STARD13: variants seen among roughly 807,000 people sequenced by gnomAD.
The protein encoded by STARD13 is StAR related lipid transfer domain containing 13.
Under a neutral mutation model 106.4 loss-of-function variants are expected in STARD13, and 62 were observed. That is an observed-to-expected ratio of 0.58 (90% CI 0.48 to 0.72). STARD13 has a LOEUF of 0.72. Among genes scored for constraint, STARD13 ranks in the 30% least tolerant of loss-of-function variants. The probability of loss-of-function intolerance (pLI) is 0.00; values close to 1 mark genes in which losing one functional copy is unlikely to be tolerated. For missense variants in STARD13, 1,387 were observed against 1,424.0 expected (o/e 0.97, Z 0.42); for synonymous variants, 565 against 553.0 (o/e 1.02, Z -0.31).
At chr13:33,444,629 G>A in the STARD13 span, among the ~76,000 whole-genome samples, 2 of 152,176 alleles carry the variant, frequency 1.3e-5, no homozygotes, top group African/African-American at 4.8e-5. Flanking sequence ...ATTAGCCAGT[G>A]TGATAGCTTA....
the STARD13 span, among the ~76,000 whole-genome samples, chr13:33,401,083 C>T: frequency 6.6e-6 from 1 of 152,090 alleles, no homozygotes; most frequent in African/African-American, 2.4e-5. Context: ...ACCCCTCCAC[C>T]CCTGGGACAC....
At chr13:33,578,870 T>C in the STARD13 span, among the ~76,000 whole-genome samples, 7 of 151,980 alleles carry the variant, frequency 4.6e-5, no homozygotes, top group African/African-American at 9.7e-5. Context: ...AAAGAAGATA[T>C]ATAAATAGCC....
At chr13:33,506,173 T>G in the STARD13 span, among the ~76,000 whole-genome samples, 1 of 152,158 alleles carries the variant, frequency 6.6e-6, no homozygotes, top group Non-Finnish European at 1.5e-5. Context: ...AGTACATATT[T>G]TTAATATTTG....
chr13:33,429,014 C>T, the STARD13 span, among the ~76,000 whole-genome samples: 1 of 152,144 alleles, frequency 6.6e-6, no homozygotes, highest in Non-Finnish European at 1.5e-5. Flanking sequence ...ATCCAAAAGA[C>T]AGGCAATAAC....
the STARD13 span, among the ~76,000 whole-genome samples, chr13:33,556,813 G>A: frequency 7.2e-5 from 11 of 152,170 alleles, no homozygotes; most frequent in African/African-American, 2.7e-4. Context: ...TGTCTTCCAG[G>A]CTGGAGTGCA....
chr13:33,548,243 A>G, the STARD13 span, among the ~76,000 whole-genome samples: 2 of 152,206 alleles, frequency 1.3e-5, no homozygotes, highest in African/African-American at 4.8e-5. Flanking sequence ...TGGAGGAAGA[A>G]AACAGAAATG....
chr13:33,625,706 T>C, the STARD13 span, among the ~76,000 whole-genome samples: 1 of 145,682 alleles, frequency 6.9e-6, no homozygotes, highest in African/African-American at 2.8e-5. Context: ...AACCTAATGG[T>C]ACCCTTTTTT....
the STARD13 span, among the ~76,000 whole-genome samples, chr13:33,362,410 T>C: frequency 6.6e-6 from 1 of 152,198 alleles, no homozygotes; most frequent in Non-Finnish European, 1.5e-5. Context: ...GGGAATCACA[T>C]TTCCACATAA....
the STARD13 span, among the ~76,000 whole-genome samples, chr13:33,400,417 G>C: frequency 6.6e-6 from 1 of 151,488 alleles, no homozygotes; most frequent in Non-Finnish European, 1.5e-5. Context: ...TGCCTGTGGC[G>C]AATAACACTG....
At chr13:33,420,259 GATCT>G in the STARD13 span, among the ~76,000 whole-genome samples, 2 of 152,138 alleles carry the variant, frequency 1.3e-5, no homozygotes, top group African/African-American at 2.4e-5. Flanking sequence ...GATGGAGGAA[GATCT>G]ATCAAGCAAA....
chr13:33,510,506 T>C, the STARD13 span, among the ~76,000 whole-genome samples: 1 of 152,194 alleles, frequency 6.6e-6, no homozygotes, highest in African/African-American at 2.4e-5. Flanking sequence ...GCTCTAGGGC[T>C]GCTATCATGG....
the STARD13 span, among the ~76,000 whole-genome samples, chr13:33,482,776 G>A: frequency 6.6e-6 from 1 of 152,260 alleles, no homozygotes; most frequent in East Asian, 1.9e-4. Context: ...GGTACACTAG[G>A]CCAATATATA....
the STARD13 span, among the ~76,000 whole-genome samples, chr13:33,440,339 T>C: frequency 6.6e-6 from 1 of 151,730 alleles, no homozygotes; most frequent in Non-Finnish European, 1.5e-5. Flanking sequence ...GACTAAAGTC[T>C]AGTTTTAATC....
intron 1 of STARD13, among the ~76,000 whole-genome samples, chr13:33,284,531 A>C (rs1327763682): frequency 1.3e-5 from 2 of 151,530 alleles, no homozygotes; most frequent in Non-Finnish European, 2.9e-5. Flanking sequence ...CTGACTGTCA[A>C]CGTGTGTTAG....
chr13:33,652,727 A>T, the STARD13 span, among the ~76,000 whole-genome samples: 1 of 152,124 alleles, frequency 6.6e-6, no homozygotes, highest in Non-Finnish European at 1.5e-5. Context: ...AAGTTCCCTA[A>T]CTTCTTTGAG....
the STARD13 span, among the ~76,000 whole-genome samples, chr13:33,367,460 A>G: frequency 6.6e-5 from 10 of 152,326 alleles, no homozygotes; most frequent in African/African-American, 2.4e-4. Flanking sequence ...AGGAGAAAAA[A>G]GATTAAAACT....
chr13:33,173,504 G>C (rs1884200717), intron 1 of STARD13, among the ~76,000 whole-genome samples: 2 of 152,150 alleles, frequency 1.3e-5, no homozygotes, highest in South Asian at 4.1e-4. Context: ...AGTAGTAACA[G>C]ACTTTGATTT....
At chr13:33,258,402 A>C (rs1594177354) in intron 1 of STARD13, among the ~76,000 whole-genome samples, 1 of 152,318 alleles carries the variant, frequency 6.6e-6, no homozygotes, top group Middle Eastern at 3.4e-3. Flanking sequence ...GATTCAACTT[A>C]GAAATAGTTT....
chr13:33,512,714 C>G, the STARD13 span, among the ~76,000 whole-genome samples: 2 of 152,134 alleles, frequency 1.3e-5, no homozygotes, highest in African/African-American at 4.8e-5. Context: ...GGTGATCCAC[C>G]TGCCTCGGAC....
Sources: allele counts gnomAD v4.1 joint callset (sites outside exome capture counted in the v4.1 genomes callset), GRCh38; gene constraint gnomAD v4.1.1; transcripts MANE v1.5; gene names NCBI Gene and HGNC (gene_info 2026-07-23, HGNC 2026-07-21).